Variants in RALGAPA1 observed in about 807,000 individuals in gnomAD.
RALGAPA1 encodes Ral GTPase activating protein catalytic subunit alpha 1.
In RALGAPA1, 52 loss-of-function variants were observed where a neutral mutation model predicts 269.6. The ratio of observed to expected loss-of-function variants is 0.19; its 90% CI spans 0.15 to 0.24. The LOEUF is 0.24. RALGAPA1 is among the 10% of genes least tolerant of loss of function. The pLI, the probability that RALGAPA1 is intolerant of heterozygous loss-of-function variation, is 1.00. For missense variants in RALGAPA1, 1,917 were observed against 3,013.9 expected (o/e 0.64, Z 8.52); for synonymous variants, 817 against 1,008.3 (o/e 0.81, Z 3.60).
At chr14:35,589,066 G>A (rs571469218) in intron 37 of RALGAPA1, among the ~76,000 whole-genome samples, 1 of 152,288 alleles carries the variant, frequency 6.6e-6, no homozygotes, top group African/African-American at 2.4e-5. Flanking sequence ...TTCATAGAAA[G>A]ATGGAGTACA....
chr14:35,699,546 C>G (rs918424390), intron 17 of RALGAPA1, among the ~76,000 whole-genome samples: 1 of 152,052 alleles, frequency 6.6e-6, no homozygotes, highest in African/African-American at 2.4e-5. Flanking sequence ...GAAAGCTAAG[C>G]AGGTTTTGAA....
chr14:35,650,201 C>T (rs1039102775), intron 31 of RALGAPA1, among the ~76,000 whole-genome samples: 28 of 151,942 alleles, frequency 1.8e-4, no homozygotes, highest in African/African-American at 6.5e-4. Flanking sequence ...ATGAGACCCC[C>T]CCGCCCCCGA....
At chr14:35,671,279 C>T in intron 26 of RALGAPA1, 110 bp downstream of exon 26, 2 of 891,938 alleles carry the variant, frequency 2.2e-6, no homozygotes, top group South Asian at 5.8e-5. Flanking sequence ...GCAATCAATT[C>T]CAATTAAATT....
chr14:35,622,582 T>C (rs1462683909), intron 35 of RALGAPA1, among the ~76,000 whole-genome samples: 1 of 152,126 alleles, frequency 6.6e-6, no homozygotes, highest in African/African-American at 2.4e-5. Flanking sequence ...ATAAAAATGA[T>C]AGACAAAGCA....
chr14:35,767,773 A>C (rs943506502), intron 4 of RALGAPA1, among the ~76,000 whole-genome samples: 2 of 151,864 alleles, frequency 1.3e-5, no homozygotes, highest in African/African-American at 4.8e-5. Context: ...TTTTTAATTA[A>C]AATTTTTTTT....
intron 31 of RALGAPA1, among the ~76,000 whole-genome samples, chr14:35,639,667 C>T (rs975490484): frequency 2.0e-5 from 3 of 152,072 alleles, no homozygotes; most frequent in African/African-American, 4.8e-5. Context: ...TGGCCAGGTG[C>T]GGTGGCTCGT....
chr14:35,763,211 T>G (rs1420238078), intron 4 of RALGAPA1, among the ~76,000 whole-genome samples: 2 of 152,178 alleles, frequency 1.3e-5, no homozygotes, highest in East Asian at 3.8e-4. Context: ...TTCTTTTAAA[T>G]TATGAAATAT....
intron 33 of RALGAPA1, among the ~76,000 whole-genome samples, chr14:35,630,121 CTGCTA>C (rs1452377007): frequency 4.6e-5 from 7 of 152,210 alleles, no homozygotes; most frequent in Non-Finnish European, 8.8e-5. Flanking sequence ...AACCAACCAG[CTGCTA>C]TGCCATTGAT....
At chr14:35,557,314 A>AC (rs761278928) in intron 39 of RALGAPA1, among the ~76,000 whole-genome samples, 11 of 150,322 alleles carry the variant, frequency 7.3e-5, no homozygotes, top group East Asian at 3.9e-4. Flanking sequence ...AAAAAAAAAA[A>AC]CCCAAATAAG....
At chr14:35,759,487 T>G (rs2073500099) in intron 6 of RALGAPA1, among the ~76,000 whole-genome samples, 1 of 151,862 alleles carries the variant, frequency 6.6e-6, no homozygotes, top group African/African-American at 2.4e-5. Flanking sequence ...CTTGGCTGAC[T>G]AATGTAGCAC....
chr14:35,742,129 A>G (rs577749785), intron 11 of RALGAPA1, among the ~76,000 whole-genome samples: 2 of 152,352 alleles, frequency 1.3e-5, no homozygotes, highest in South Asian at 4.1e-4. Flanking sequence ...TATCTAGACA[A>G]TGGCTTAAAG....
intron 16 of RALGAPA1, among the ~76,000 whole-genome samples, chr14:35,720,825 CA>C (rs573614278): frequency 1.2e-3 from 182 of 152,146 alleles, no homozygotes; most frequent in African/African-American, 4.1e-3. Flanking sequence ...TCAAGAGGCT[CA>C]GGGGAGGCTG....
chr14:35,624,233 T>TA (rs1379060283), intron 35 of RALGAPA1, among the ~76,000 whole-genome samples: 2 of 117,420 alleles, frequency 1.7e-5, no homozygotes, highest in Non-Finnish European at 3.3e-5. Context: ...AAAAAAGGAG[T>TA]CCAGTGTTAT....
chr14:35,737,855 A>T (rs2071167214), intron 12 of RALGAPA1, among the ~76,000 whole-genome samples: 1 of 146,054 alleles, frequency 6.8e-6, no homozygotes, highest in South Asian at 2.2e-4. Flanking sequence ...GGGAGGCTGA[A>T]GCGGGTGGAT....
intron 27 of RALGAPA1, 42 bp from the exon 28 acceptor site, chr14:35,659,238 T>TC (rs2063388414): frequency 7.1e-7 from 1 of 1,410,654 alleles, no homozygotes; most frequent in African/African-American, 1.4e-5. Flanking sequence ...GACTGAGATT[T>TC]CACTCATTCA....
Position 35,635,516 on chromosome 14 carries a change from G to A in RALGAPA1, c.5759C>T (p.Thr1920Met), listed in dbSNP as rs375997306. Residue 1920 changes from threonine to methionine, a missense_variant, in exon 32 of 42, where the codon ACG becomes ATG. This residue lies in a region of RALGAPA1 where 346 missense variants were observed against 566.1 expected (regional missense o/e 0.61). Coordinates refer to ENST00000680220, the MANE Select transcript of RALGAPA1 (RefSeq NM_001346249.2). Reference sequence around the variant, plus strand: ...TTCTGTTTTATCGCTTTCTGCTCCCGTAGCATGAAATGGTTGGAGCAGTGT... The same window carrying A: ...TTCTGTTTTATCGCTTTCTGCTCCCATAGCATGAAATGGTTGGAGCAGTGT... ...LKTLLQPFHA[T>M]GAESDKTEKS... The A allele has an allele frequency of 1.9e-5, 31 of 1,608,418 alleles. No individual in the cohort carries two copies. The highest frequency in any genetic ancestry group is 1.3e-4 in the South Asian group (12 of 89,622).
rs2069088940 is a variant in RALGAPA1 at position 35,718,751 on chromosome 14, G to A, written c.2266+2937C>T. Among the ~76,000 whole-genome samples, 12 of 152,140 alleles carry A rather than the reference G, an allele frequency of 7.9e-5. No homozygotes were observed. In the South Asian group the frequency reaches 2.5e-3, roughly 32 times the overall value. ...GAATTGCCTGAACCTAGAAGTGGAGGTTGCAGTGAGCTGAGATCATGCCAG... is the reference window on the plus strand; with the variant it reads ...GAATTGCCTGAACCTAGAAGTGGAGATTGCAGTGAGCTGAGATCATGCCAG... On this transcript the variant is annotated intron_variant, in intron 16 of 41. Transcript: ENST00000680220.
intron 36 of RALGAPA1, among the ~76,000 whole-genome samples, chr14:35,604,207 C>A (rs11625220): frequency 1.3e-5 from 2 of 151,898 alleles, no homozygotes; most frequent in African/African-American, 4.8e-5. Flanking sequence ...CCACCTTGAC[C>A]TAATTGACAT....
In RALGAPA1 at chr14:35,539,548, T is replaced by C. The variant is rs1368576582; in HGVS notation, c.*166A>G. 1 of 1,612,192 alleles carries C rather than the reference T, an allele frequency of 6.2e-7. No homozygotes were observed. Among genetic ancestry groups the C allele is most frequent in the Non-Finnish European group, 8.5e-7 (1 of 1,179,880 alleles). ...TGCTGGGCTGCTTGTCTCCTTAGGA[T>C]TTATTGGCTGAGCCAGAGGAACGAC... On this transcript the variant is annotated 3_prime_UTR_variant, in exon 42 of 42. Transcript: ENST00000680220.
Sources: allele counts gnomAD v4.1 joint callset (sites outside exome capture counted in the v4.1 genomes callset), GRCh38; gene constraint gnomAD v4.1.1; regional missense constraint gnomAD v4.1.1; transcripts MANE v1.5; gene names NCBI Gene and HGNC (gene_info 2026-07-23, HGNC 2026-07-21).